CSMD1: variants seen among roughly 807,000 people sequenced by gnomAD.
CSMD1 encodes the protein CUB and sushi domain-containing protein 1.
A neutral mutation model predicts 417.5 loss-of-function variants in CSMD1; 213 were observed. That is an observed-to-expected ratio of 0.51 (90% CI 0.46 to 0.57). CSMD1 has a LOEUF of 0.57. CSMD1 is among the 20% of genes least tolerant of loss of function. The probability of loss-of-function intolerance (pLI) is 0.00; values close to 1 mark genes in which losing one functional copy is unlikely to be tolerated. For missense variants in CSMD1, 6,923 were observed against 4,529.7 expected, an observed-to-expected ratio of 1.53 and a Z score of -15.17; for synonymous variants, 2,862 against 1,736.8, an observed-to-expected ratio of 1.65 and a Z score of -16.11.
intron 3 of CSMD1, among the ~76,000 whole-genome samples, chr8:4,044,994 G>A (rs1028500130): frequency 6.6e-6 from 1 of 152,230 alleles, no homozygotes; most frequent in East Asian, 1.9e-4. Context: ...TCTACTTCCT[G>A]TTTTATAATT....
intron 52 of CSMD1, among the ~76,000 whole-genome samples, chr8:3,000,843 G>C (rs1040068775): frequency 6.6e-6 from 1 of 152,176 alleles, no homozygotes; most frequent in Non-Finnish European, 1.5e-5. Flanking sequence ...GATCGCGACA[G>C]GCGTCTTTAC....
rs1798177080 is a variant in CSMD1, at chr8:4,305,107, A to G, written c.415+114846T>C. ...ACAACAGGTTCCATGCCTCCTGGAT[A>G]AAATTTCAAAAATAATATTGCGGAT... is the stretch of plus-strand genomic sequence containing the variant. On this transcript the variant is annotated intron_variant, in intron 3 of 69. Transcript: ENST00000635120. Among the ~76,000 whole-genome samples the G allele has an allele frequency of 2.6e-5, 4 of 152,336 alleles. No individual in the cohort carries two copies. In the South Asian group the frequency reaches 8.3e-4, roughly 32 times the overall value.
At chr8:4,431,396 G>A (rs112832473) in intron 2 of CSMD1, among the ~76,000 whole-genome samples, 4 of 152,012 alleles carry the variant, frequency 2.6e-5, no homozygotes, top group Admixed American at 6.6e-5. Context: ...AGAACCATAC[G>A]CACAAACTTA....
chr8:3,920,561 T>G (rs192397639), intron 5 of CSMD1, among the ~76,000 whole-genome samples: 266 of 152,302 alleles, frequency 1.7e-3, no homozygotes, highest in Non-Finnish European at 3.1e-3. Flanking sequence ...GTTCTTAAAT[T>G]TAAAGAGAAA....
intron 27 of CSMD1, among the ~76,000 whole-genome samples, chr8:3,226,280 T>C (rs1262603941): frequency 6.6e-6 from 1 of 152,132 alleles, no homozygotes; most frequent in African/African-American, 2.4e-5. Flanking sequence ...AGGGACACTT[T>C]ACTCGGAATA....
At position 4,457,923 on chromosome 8, in the gene CSMD1, G is replaced by A. The variant is rs570738280; in HGVS notation, c.303-37858C>T. Among the ~76,000 whole-genome samples, 20 of 152,206 alleles carry A rather than the reference G, an allele frequency of 1.3e-4. No individual in the cohort carries two copies. The South Asian group carries it at 3.3e-3, about 25-fold the overall frequency. On this transcript the variant is annotated intron_variant, in intron 2 of 69. Coordinates refer to ENST00000635120, the MANE Select transcript of CSMD1 (RefSeq NM_033225.6). Reference sequence around the variant, plus strand: ...TCTCCATTTTCCCATACACCATGGGGCAGAGTCTATGTATGTCAACCCAGG... The same window carrying A: ...TCTCCATTTTCCCATACACCATGGGACAGAGTCTATGTATGTCAACCCAGG...
At chr8:3,320,007 C>T (rs1806046573) in intron 23 of CSMD1, among the ~76,000 whole-genome samples, 1 of 152,122 alleles carries the variant, frequency 6.6e-6, no homozygotes, top group Admixed American at 6.5e-5. Context: ...AGTGAATAGA[C>T]CGGGCCCCAA....
At chr8:3,790,621 A>C (rs1285593810) in intron 5 of CSMD1, among the ~76,000 whole-genome samples, 3 of 152,242 alleles carry the variant, frequency 2.0e-5, no homozygotes, top group Non-Finnish European at 2.9e-5. Flanking sequence ...TCACAATAAC[A>C]ACTTATCAAA....
intron 52 of CSMD1, among the ~76,000 whole-genome samples, chr8:3,003,701 T>G (rs1009897408): frequency 6.6e-6 from 1 of 152,264 alleles, no homozygotes; most frequent in East Asian, 1.9e-4. Context: ...TGCAGAGTCC[T>G]GAGGGTGTGC....
At chr8:3,489,043 A>G (rs1371714516) in intron 11 of CSMD1, among the ~76,000 whole-genome samples, 1 of 152,210 alleles carries the variant, frequency 6.6e-6, no homozygotes, top group African/African-American at 2.4e-5. Flanking sequence ...ATAACATTAA[A>G]GATATATAAA....
At chr8:4,754,926 C>G (rs954514402) in intron 1 of CSMD1, among the ~76,000 whole-genome samples, 2 of 151,930 alleles carry the variant, frequency 1.3e-5, no homozygotes, top group African/African-American at 4.8e-5. Flanking sequence ...ATCACAAGGT[C>G]GGGAGTTCGA....
intron 41 of CSMD1, chr8:3,127,803 T>C (rs1250388723): frequency 2.0e-5 from 3 of 150,326 alleles, no homozygotes; most frequent in Non-Finnish European, 4.4e-5. Flanking sequence ...AATGCAGCAA[T>C]ATGCTTTATA....
chr8:3,958,117 G>A (rs1812089425), intron 5 of CSMD1, among the ~76,000 whole-genome samples: 1 of 152,114 alleles, frequency 6.6e-6, no homozygotes, highest in African/African-American at 2.4e-5. Flanking sequence ...AAGTCAACAT[G>A]TTAATGAAGC....
intron 7 of CSMD1, among the ~76,000 whole-genome samples, chr8:3,623,017 T>C (rs1272519032): frequency 1.3e-5 from 2 of 152,194 alleles, no homozygotes; most frequent in African/African-American, 4.8e-5. Flanking sequence ...ATATGTTAAA[T>C]GTAAGTCAAA....
chr8:3,757,183 C>T (rs1191327253), intron 5 of CSMD1, among the ~76,000 whole-genome samples: 2 of 152,168 alleles, frequency 1.3e-5, no homozygotes. Context: ...CACCCACATC[C>T]ACTCTTTACC....
intron 49 of CSMD1, among the ~76,000 whole-genome samples, chr8:3,063,179 C>G (rs910827185): frequency 6.6e-6 from 1 of 152,180 alleles, no homozygotes; most frequent in South Asian, 2.1e-4. Context: ...ATTTTGGAGC[C>G]TATCCTCATC....
intron 1 of CSMD1, among the ~76,000 whole-genome samples, chr8:4,982,935 T>TC (rs1359080935): frequency 2.0e-5 from 3 of 152,242 alleles, no homozygotes; most frequent in Non-Finnish European, 4.4e-5. Context: ...TGTTCCATAA[T>TC]CCTCTAATGT....
Position 3,004,484 on chromosome 8 carries a change from T to C in CSMD1, c.8030-4353A>G, listed in dbSNP as rs77006160. Among the ~76,000 whole-genome samples the C allele has an allele frequency of 2.0e-3, 307 of 152,310 alleles. 4 individuals are homozygous for C. The highest frequency in any genetic ancestry group is 0.014 in the Middle Eastern group (4 of 294). On this transcript the variant is annotated intron_variant, in intron 52 of 69. Transcript: ENST00000635120. ...CGTGAATTTATTAGTCTACTAGTAA[T>C]CTGAACCCAGCAGGACTGAGAAGCA...
chr8:3,728,752 C>G (rs779993211), intron 6 of CSMD1, among the ~76,000 whole-genome samples: 5 of 152,158 alleles, frequency 3.3e-5, no homozygotes, highest in South Asian at 2.1e-4. Context: ...AGTTATGGAG[C>G]TGAACTATTA....
Sources: allele counts gnomAD v4.1 joint callset (sites outside exome capture counted in the v4.1 genomes callset), GRCh38; gene constraint gnomAD v4.1.1; transcripts MANE v1.5; gene names NCBI Gene and HGNC (gene_info 2026-07-23, HGNC 2026-07-21).